Variants in MAGI2 observed in about 807,000 individuals in gnomAD.
MAGI2 encodes membrane-associated guanylate kinase, WW and PDZ domain-containing protein 2.
MAGI2 carries 35 observed loss-of-function variants against 133.3 expected under a neutral mutation model. The observed-to-expected ratio is 0.26, with a 90% confidence interval of 0.20 to 0.35. MAGI2 has a LOEUF of 0.35. Ranked by LOEUF, MAGI2 falls within the 10% of genes least tolerant of loss-of-function variation. MAGI2 has a pLI of 1.00. For missense variants in MAGI2, 1,636 were observed against 1,863.4 expected, an observed-to-expected ratio of 0.88 and a Z score of 2.25; for synonymous variants, 729 against 710.6, an observed-to-expected ratio of 1.03 and a Z score of -0.41.
intron 9 of MAGI2, among the ~76,000 whole-genome samples, chr7:78,315,050 T>C (rs757844252): frequency 6.6e-6 from 1 of 152,164 alleles, no homozygotes; most frequent in Non-Finnish European, 1.5e-5. Context: ...AACTGTCCAT[T>C]TGTATAACTT....
chr7:78,597,422 A>T (rs143929545), intron 3 of MAGI2, among the ~76,000 whole-genome samples: 1 of 151,708 alleles, frequency 6.6e-6, no homozygotes, highest in Non-Finnish European at 1.5e-5. Context: ...CCCAATGCCC[A>T]CTTAATCCAG....
intron 4 of MAGI2, among the ~76,000 whole-genome samples, chr7:78,517,637 C>T (rs1322995771): frequency 2.0e-5 from 3 of 152,030 alleles, no homozygotes; most frequent in Non-Finnish European, 4.4e-5. Flanking sequence ...TCATGTTTCT[C>T]ATTTTTTATT....
intron 2 of MAGI2, among the ~76,000 whole-genome samples, chr7:78,665,719 T>C (rs1322191469): frequency 6.6e-6 from 1 of 152,106 alleles, no homozygotes; most frequent in Non-Finnish European, 1.5e-5. Context: ...AAAGAAACCA[T>C]ATATCTAGGA....
At chr7:78,360,911 T>G (rs573407242) in intron 7 of MAGI2, among the ~76,000 whole-genome samples, 5 of 152,310 alleles carry the variant, frequency 3.3e-5, no homozygotes, top group African/African-American at 1.2e-4. Flanking sequence ...GAGAACATGG[T>G]GTCTCCAGCT....
chr7:78,372,589 T>A (rs1354586898), intron 6 of MAGI2, among the ~76,000 whole-genome samples: 1 of 152,092 alleles, frequency 6.6e-6, no homozygotes, highest in Non-Finnish European at 1.5e-5. Flanking sequence ...ATCAGCAAGG[T>A]TAATGTTGCA....
At chr7:79,442,256 A>G (rs1448595608) in intron 1 of MAGI2, among the ~76,000 whole-genome samples, 1 of 152,326 alleles carries the variant, frequency 6.6e-6, no homozygotes, top group African/African-American at 2.4e-5. Flanking sequence ...TCATAATCAG[A>G]GTTAATAAGG....
At chr7:79,302,673 T>G (rs1837478610) in intron 1 of MAGI2, among the ~76,000 whole-genome samples, 1 of 152,202 alleles carries the variant, frequency 6.6e-6, no homozygotes, top group Admixed American at 6.5e-5. Flanking sequence ...TTAGTAATCT[T>G]AGGGTCAACA....
At chr7:79,349,419 A>G (rs73156080) in intron 1 of MAGI2, among the ~76,000 whole-genome samples, 22,425 of 151,940 alleles carry the variant, frequency 0.15, 1,788 homozygotes, top group East Asian at 0.22. Flanking sequence ...CTTACTTAGA[A>G]AAAGAAGGGA....
Position 78,272,602 on chromosome 7 carries a change from T to G in MAGI2, c.1409-16021A>C, listed in dbSNP as rs985242412. On this transcript the variant is annotated intron_variant, in intron 9 of 21. Transcript: ENST00000354212. ...GTCTCTTTCTAGGTCTCTAAGAACTTGCTTTATGAATCTGGGTGCTCCTGT... is the reference window on the plus strand; with the variant it reads ...GTCTCTTTCTAGGTCTCTAAGAACTGGCTTTATGAATCTGGGTGCTCCTGT... 2.6e-5 allele frequency among the ~76,000 whole-genome samples: 4 copies of G among 152,216 alleles called. No homozygotes were observed. The East Asian group carries it at 7.7e-4, about 29-fold the overall frequency.
chr7:79,035,811 A>G (rs1214610282), intron 1 of MAGI2, among the ~76,000 whole-genome samples: 1 of 152,348 alleles, frequency 6.6e-6, no homozygotes, highest in Middle Eastern at 3.4e-3. Context: ...AAATGAAATC[A>G]TAAATGAAGA....
At chr7:79,426,983 A>C (rs1389763473) in intron 1 of MAGI2, among the ~76,000 whole-genome samples, 2 of 152,136 alleles carry the variant, frequency 1.3e-5, no homozygotes, top group Non-Finnish European at 2.9e-5. Flanking sequence ...ACTTCCACCA[A>C]CTTTACTATT....
intron 1 of MAGI2, among the ~76,000 whole-genome samples, chr7:79,219,084 T>C (rs1178955493): frequency 6.6e-6 from 1 of 152,082 alleles, no homozygotes; most frequent in Non-Finnish European, 1.5e-5. Flanking sequence ...ATACTAATTC[T>C]AGCACTATAA....
chr7:79,399,095 C>CTTTTTTTTTTTTTTTTTTTTTT (rs767332496), intron 1 of MAGI2, among the ~76,000 whole-genome samples: 13 of 106,284 alleles, frequency 1.2e-4, no homozygotes, highest in South Asian at 3.5e-4. Context: ...TTTTTCTTTT[C>CTTTTTTTTTTTTTTTTTTTTTT]TTTTTTTTTT....
At chr7:78,063,528 C>T (rs1813502072) in intron 21 of MAGI2, among the ~76,000 whole-genome samples, 1 of 152,200 alleles carries the variant, frequency 6.6e-6, no homozygotes, top group Non-Finnish European at 1.5e-5. Flanking sequence ...AGCTGTGAGC[C>T]ACCGTGCCCA....
intron 1 of MAGI2, among the ~76,000 whole-genome samples, chr7:79,247,610 C>G (rs1467838324): frequency 6.6e-6 from 1 of 151,698 alleles, no homozygotes; most frequent in East Asian, 1.9e-4. Context: ...AAGACACTGT[C>G]TGAAATACTA....
chr7:78,171,513 T>C (rs189021044), intron 14 of MAGI2, among the ~76,000 whole-genome samples: 1 of 152,328 alleles, frequency 6.6e-6, no homozygotes, highest in Non-Finnish European at 1.5e-5. Context: ...CTCAGATCAA[T>C]CACCCTTTGA....
chr7:78,156,577 A>T (rs148934534), intron 16 of MAGI2, among the ~76,000 whole-genome samples: 8 of 152,268 alleles, frequency 5.3e-5, no homozygotes, highest in Non-Finnish European at 1.2e-4. Context: ...CAACCCCATG[A>T]TTGAGGTATT....
At chr7:79,344,887 T>C (rs943420771) in intron 1 of MAGI2, among the ~76,000 whole-genome samples, 3 of 152,078 alleles carry the variant, frequency 2.0e-5, no homozygotes, top group Non-Finnish European at 2.9e-5. Flanking sequence ...TGATCCCCAA[T>C]AGTAGCGCTT....
At chr7:79,350,779 T>C (rs1453923579) in intron 1 of MAGI2, among the ~76,000 whole-genome samples, 2 of 152,118 alleles carry the variant, frequency 1.3e-5, no homozygotes, top group African/African-American at 4.8e-5. Context: ...CATCTCTTTG[T>C]TTTTCTACTA....
Sources: gnomAD v4.1 joint callset for allele counts (sites outside exome capture counted in the v4.1 genomes callset) on GRCh38, gnomAD v4.1.1 for gene constraint, MANE v1.5 for transcripts, NCBI Gene and HGNC (gene_info 2026-07-23, HGNC 2026-07-21) for gene names.